CYP27C1: variants seen among roughly 807,000 people sequenced by gnomAD.
The protein encoded by CYP27C1 is cytochrome P450 family 27 subfamily C member 1.
CYP27C1 carries 29 observed loss-of-function variants against 40.6 expected under a neutral mutation model. That is an observed-to-expected ratio of 0.71 (90% CI 0.53 to 0.97). The LOEUF is 0.97. CYP27C1 is among the 50% of genes least tolerant of loss of function. The pLI is 0.00. For missense variants in CYP27C1, 390 were observed against 485.8 expected, an observed-to-expected ratio of 0.80 and a Z score of 1.85; for synonymous variants, 198 against 186.8, an observed-to-expected ratio of 1.06 and a Z score of -0.49.
chr2:127,211,149 A>C (rs1016069852), intron 1 of CYP27C1, among the ~76,000 whole-genome samples: 2 of 152,176 alleles, frequency 1.3e-5, no homozygotes, highest in Non-Finnish European at 2.9e-5. Flanking sequence ...TGAAATCATA[A>C]CAAACAGTCT....
In CYP27C1 at chr2:127,204,472, GAAA is replaced by G. The variant is rs1558930989; in HGVS notation, c.474-904_474-902del. Among the ~76,000 whole-genome samples, 320 of 68,782 alleles carry G rather than the reference GAAA, an allele frequency of 4.7e-3. 36 individuals carry two copies. The East Asian group carries it at 0.056, about 12-fold the overall frequency. 45.1% of individuals were successfully genotyped at this position (68,782 alleles called of 152,430 possible). On this transcript the variant is annotated intron_variant, in intron 2 of 8. Transcript: ENST00000664447. The stretch of plus-strand genomic sequence containing the variant: ...AGAAAGAAAGAAAGAAAGAAAGAAA[GAAA>G]GAAAGAAAGAAAGGAAGGAAGGAAG...
rs1464382657 is a variant in CYP27C1, at chr2:127,201,107, C to A, written c.883+15G>T. ...AACCTGCTTCTGCAAAAGGTGCTCT[C>A]AATTCTTCTCTTACTGAATTTGAAG... On this transcript the variant is annotated intron_variant, in intron 4 of 8. Transcript: ENST00000664447. The surrounding 1 kb of genome is among the most constrained non-coding windows in gnomAD (Gnocchi z 6.0). The A allele has an allele frequency of 1.9e-6, 3 of 1,610,444 alleles. No homozygotes were observed. The South Asian group carries it at 3.3e-5, about 18-fold the overall frequency.
chr2:127,189,290 C>A (rs926688026), intron 8 of CYP27C1, among the ~76,000 whole-genome samples: 1 of 150,788 alleles, frequency 6.6e-6, no homozygotes, highest in Non-Finnish European at 1.5e-5. Flanking sequence ...ATTAATATCA[C>A]ACCATGAAAG....
rs1682571528 is a variant in CYP27C1, at chr2:127,184,409, C to CTTTTTTTTTTTTTTTTTT, written c.*2861_*2862insAAAAAAAAAAAAAAAAAA. ...TCCTCTCCCCTTGGTTTTTTTTTTG[C>CTTTTTTTTTTTTTTTTTT]TTTTTGGTTTTTGTTTTTTTTAGAT... On this transcript the variant is annotated 3_prime_UTR_variant, in exon 9 of 9. Coordinates refer to ENST00000664447, the MANE Select transcript of CYP27C1 (RefSeq NM_001367502.1). 1 of 148,512 alleles carries CTTTTTTTTTTTTTTTTTT rather than the reference C, an allele frequency of 6.7e-6. No individual in the cohort carries two copies. The allele number at this position is 148,512 out of a possible 1,614,324, so 9.2% of individuals were successfully genotyped here. A position where few individuals can be genotyped will look rare whatever the true frequency, so the allele number is the denominator to read the frequency against.
rs1367096758 is a variant in CYP27C1 at position 127,219,568 on chromosome 2, G to C, written c.282+421C>G. On this transcript the variant is annotated intron_variant, in intron 1 of 8. Transcript: ENST00000664447. The surrounding 1 kb of genome is among the most constrained non-coding windows in gnomAD (Gnocchi z 8.7). ...ACCTCCTCCCCAGGGGTCCCGGCTG[G>C]GGCCCCTCCAGGGGACCCCTCCCTG... Among the ~76,000 whole-genome samples, 1 of 151,050 alleles carries C rather than the reference G, an allele frequency of 6.6e-6. No homozygotes were observed. Among genetic ancestry groups the C allele is most frequent in the African/African-American group, 2.4e-5 (1 of 41,022 alleles).
chr2:127,207,114 A>T (rs1007839477), intron 1 of CYP27C1, among the ~76,000 whole-genome samples: 1 of 152,196 alleles, frequency 6.6e-6, no homozygotes, highest in Non-Finnish European at 1.5e-5. Context: ...CTGTAATCCC[A>T]GCACTTTTGG....
intron 1 of CYP27C1, among the ~76,000 whole-genome samples, chr2:127,214,782 G>GTTTTTTTTT (rs57262340): frequency 1.1e-5 from 1 of 92,372 alleles, no homozygotes; most frequent in African/African-American, 4.1e-5. Flanking sequence ...TCCGTTTTTT[G>GTTTTTTTTT]TTTTTTTTTT....
intron 1 of CYP27C1, among the ~76,000 whole-genome samples, chr2:127,212,140 G>A (rs550575168): frequency 6.6e-6 from 1 of 152,186 alleles, no homozygotes; most frequent in East Asian, 1.9e-4. Flanking sequence ...CCCCTGAATA[G>A]ACCAATAACA....
rs889717120 is a variant in CYP27C1, at chr2:127,195,101, C to T, written c.1214+234G>A. ...TTGGCCTCCCAAAGTGCTGGGATTA[C>T]AGGCGTGAGCCACTGTGCCTGGCCC... On this transcript the variant is annotated intron_variant, in intron 6 of 8. Transcript: ENST00000664447. The surrounding 1 kb of genome is among the most constrained non-coding windows in gnomAD (Gnocchi z 6.2). Among the ~76,000 whole-genome samples the T allele has an allele frequency of 7.9e-5, 12 of 152,314 alleles. No homozygotes were observed. Among genetic ancestry groups the T allele is most frequent in the African/African-American group, 2.9e-4 (12 of 41,582 alleles).
intron 1 of CYP27C1, among the ~76,000 whole-genome samples, chr2:127,207,784 A>C (rs1573904475): frequency 1.3e-5 from 2 of 152,264 alleles, no homozygotes. Flanking sequence ...TGTTTAAAGA[A>C]ATCTACAAAA....
At chr2:127,215,043 G>A (rs1683404715) in intron 1 of CYP27C1, among the ~76,000 whole-genome samples, 1 of 150,904 alleles carries the variant, frequency 6.6e-6, no homozygotes, top group South Asian at 2.1e-4. Flanking sequence ...GCAGGAGAAC[G>A]GCGTGAACCC....
intron 1 of CYP27C1, among the ~76,000 whole-genome samples, chr2:127,214,462 A>G (rs182998012): frequency 6.6e-6 from 1 of 152,346 alleles, no homozygotes; most frequent in Admixed American, 6.5e-5. Context: ...AATGTGGCAC[A>G]TATACACCAT....
intron 8 of CYP27C1, among the ~76,000 whole-genome samples, chr2:127,192,535 A>G (rs1037116760): frequency 6.6e-6 from 1 of 152,196 alleles, no homozygotes. Flanking sequence ...TTCACAACCT[A>G]AGAAGCTTGA....
Position 127,205,897 on chromosome 2 carries a change from C to T in CYP27C1, c.473+3G>A, listed in dbSNP as rs115224999. 8.3e-3 allele frequency: 2,520 copies of T among 302,172 alleles called. 69 individuals are homozygous for T. Among genetic ancestry groups the T allele is most frequent in the African/African-American group, 0.053 (2,342 of 44,110 alleles). 18.7% of individuals were successfully genotyped at this position (302,172 alleles called of 1,614,324 possible). On this transcript the variant is annotated splice_donor_region_variant and intron_variant, in intron 2 of 8. Coordinates refer to ENST00000664447, the MANE Select transcript of CYP27C1 (RefSeq NM_001367502.1). Reference sequence around the variant, plus strand: ...GTGGCTCAGCCCGGGCCCACATACTCACGCCGAGATGAGCCCGGTGGCTCT... The same window carrying T: ...GTGGCTCAGCCCGGGCCCACATACTTACGCCGAGATGAGCCCGGTGGCTCT...
rs747585361 is a variant in CYP27C1 at position 127,193,769 on chromosome 2, C to A, written c.1293+20G>T. The A allele has an allele frequency of 4.3e-6, 7 of 1,613,816 alleles. No homozygotes were observed. The African/African-American group carries it at 9.3e-5, about 22-fold the overall frequency. ...ACCCCGACCCGCAAGGCCTGGCCAC[C>A]CCCATGGCCCCAAACTCACGCCTTT... is the stretch of plus-strand genomic sequence containing the variant. On this transcript the variant is annotated intron_variant, in intron 7 of 8. Coordinates refer to ENST00000664447, the MANE Select transcript of CYP27C1 (RefSeq NM_001367502.1).
rs1171036775 is a variant in CYP27C1, at chr2:127,214,434, G to A, written c.282+5555C>T. On this transcript the variant is annotated intron_variant, in intron 1 of 8. Transcript: ENST00000664447. ...GGAACCAACCCAAATGCCCATTAAC[G>A]ATAGACTGGTTAAAGAAAATGTGGC... Among the ~76,000 whole-genome samples, 4 of 152,106 alleles carry A rather than the reference G, an allele frequency of 2.6e-5. 1 individual carries two copies. Among genetic ancestry groups the A allele is most frequent in the East Asian group, 3.9e-4 (2 of 5,194 alleles).
At position 127,201,173 on chromosome 2, in the gene CYP27C1, G is replaced by A. The variant is rs1683024870; in HGVS notation, c.832C>T (p.Pro278Ser). 2 of 1,613,942 alleles carry A rather than the reference G, an allele frequency of 1.2e-6. No homozygotes were observed. The highest frequency in any genetic ancestry group is 2.2e-5 in the East Asian group (1 of 44,886). Reference protein sequence around the residue: ...AIPRWLRPFIPKPWREFCRSW... With the variant: ...AIPRWLRPFISKPWREFCRSW... Reference sequence around the variant, plus strand: ...CTGCAGAATTCCCGCCAGGGCTTTGGGATGAAGGGGCGAAGCCATCTGGGG... The same window carrying A: ...CTGCAGAATTCCCGCCAGGGCTTTGAGATGAAGGGGCGAAGCCATCTGGGG... The change falls in exon 4 of 9, where the codon CCA becomes TCA. Residue 278 changes from proline (P) to serine (S), a missense_variant. Physicochemically the swap from Pro to Ser is moderately conservative, Grantham distance 74. Transcript: ENST00000664447. This position sits in a 1 kb window ranked among gnomAD's most constrained non-coding sequence, Gnocchi z 6.0.
intron 8 of CYP27C1, among the ~76,000 whole-genome samples, chr2:127,191,249 T>G (rs573055418): frequency 9.9e-5 from 15 of 152,108 alleles, no homozygotes; most frequent in African/African-American, 3.6e-4. Context: ...AAAAAAATAA[T>G]AAAATAAAAT....
intron 8 of CYP27C1, 118 bp from the exon 9 acceptor site, chr2:127,187,505 A>G (rs1330946370): frequency 1.2e-6 from 1 of 809,212 alleles, no homozygotes; most frequent in South Asian, 1.6e-5. Context: ...GCAGGCAATG[A>G]GCACCCACAT....
Sources: gnomAD v4.1 joint callset for allele counts (sites outside exome capture counted in the v4.1 genomes callset) on GRCh38, gnomAD v4.1.1 for gene constraint, Gnocchi (gnomAD v3.1) non-coding constraint, MANE v1.5 for transcripts, NCBI Gene and HGNC (gene_info 2026-07-23, HGNC 2026-07-21) for gene names.